Variants in NRG1 observed in about 807,000 individuals in gnomAD.
NRG1 encodes the protein pro-neuregulin-1, membrane-bound isoform.
In NRG1, 18 loss-of-function variants were observed where a neutral mutation model predicts 63.8. The ratio of observed to expected loss-of-function variants is 0.28; its 90% CI spans 0.19 to 0.42. The LOEUF (loss-of-function observed/expected upper bound fraction) is 0.42, where lower values mean the gene tolerates loss of function less well. Among genes scored for constraint, NRG1 ranks in the 10% least tolerant of loss-of-function variants. The pLI, the probability that NRG1 is intolerant of heterozygous loss-of-function variation, is 1.00. For missense variants in NRG1, 762 were observed against 814.7 expected (o/e 0.94, Z 0.79); for synonymous variants, 302 against 301.3 (o/e 1.00, Z -0.02).
At chr8:31,972,428 T>C (rs1476356462) in intron 1 of NRG1, among the ~76,000 whole-genome samples, 1 of 152,178 alleles carries the variant, frequency 6.6e-6, no homozygotes, top group Non-Finnish European at 1.5e-5. Flanking sequence ...TGGCACTTGT[T>C]ACTAACTGGA....
intron 1 of NRG1, among the ~76,000 whole-genome samples, chr8:32,072,466 C>A (rs1291019736): frequency 6.6e-6 from 1 of 152,102 alleles, no homozygotes; most frequent in Non-Finnish European, 1.5e-5. Context: ...CACCCTTTGA[C>A]TCTAATTAAA....
At chr8:32,363,014 G>A (rs1485261032) in intron 1 of NRG1, among the ~76,000 whole-genome samples, 2 of 152,166 alleles carry the variant, frequency 1.3e-5, no homozygotes, top group Non-Finnish European at 2.9e-5. Context: ...CATGGGGTGT[G>A]CAATTAACTC....
chr8:32,622,638 A>G (rs1051356127), intron 5 of NRG1, among the ~76,000 whole-genome samples: 4 of 151,982 alleles, frequency 2.6e-5, no homozygotes, highest in Admixed American at 6.6e-5. Context: ...CAAGTGATTC[A>G]CCCATCTCAG....
rs552478830 is a variant in NRG1 at position 31,821,358 on chromosome 8, C to T, written c.37+181927C>T. ...GAAAGGCACACTGTGTAATTGAATG[C>T]TAAGGCCAATTCTTTACCTCTGATG... On this transcript the variant is annotated intron_variant, in intron 1 of 10. Transcript: ENST00000519301. Among the ~76,000 whole-genome samples, 23 of 152,262 alleles carry T rather than the reference C, an allele frequency of 1.5e-4. No homozygotes were observed. The East Asian group carries it at 4.4e-3, about 29-fold the overall frequency.
chr8:31,932,854 A>C (rs776991676), intron 1 of NRG1, among the ~76,000 whole-genome samples: 31 of 152,162 alleles, frequency 2.0e-4, no homozygotes, highest in Non-Finnish European at 3.7e-4. Context: ...GTGTGTGCCC[A>C]CTTGCATATA....
intron 1 of NRG1, among the ~76,000 whole-genome samples, chr8:32,030,839 C>T (rs1818153204): frequency 6.6e-6 from 1 of 152,106 alleles, no homozygotes; most frequent in Admixed American, 6.6e-5. Flanking sequence ...GAGCTTCCCT[C>T]CTTTTAAAAA....
At chr8:32,293,718 C>CTTTTTTTTTTTTTTTT (rs770993591) in intron 1 of NRG1, among the ~76,000 whole-genome samples, 1 of 108,278 alleles carries the variant, frequency 9.2e-6, no homozygotes, top group Non-Finnish European at 1.9e-5. Flanking sequence ...TTTTCTTCTT[C>CTTTTTTTTTTTTTTTT]TTTTTTTTTT....
chr8:32,267,693 G>A (rs1851125167), intron 1 of NRG1, among the ~76,000 whole-genome samples: 1 of 152,044 alleles, frequency 6.6e-6, no homozygotes, highest in African/African-American at 2.4e-5. Context: ...TTTGAGTTCT[G>A]TTTGTTTTTT....
rs187881426 is a variant in NRG1 at position 32,180,147 on chromosome 8, A to G, written c.38-415681A>G. Among the ~76,000 whole-genome samples, 3 of 152,292 alleles carry G rather than the reference A, an allele frequency of 2.0e-5. No individual in the cohort carries two copies. The East Asian group carries it at 5.8e-4, about 29-fold the overall frequency. ...TAATTCCTTCTCAGGTCTTTTTAAT[A>G]TATTGCTTCCAGATATTTTTGGATT... On this transcript the variant is annotated intron_variant, in intron 1 of 10. Coordinates refer to the NRG1 transcript ENST00000519301.
chr8:32,315,725 C>G (rs771280971), intron 1 of NRG1, among the ~76,000 whole-genome samples: 1 of 152,188 alleles, frequency 6.6e-6, no homozygotes, highest in African/African-American at 2.4e-5. Flanking sequence ...TGATGTAACT[C>G]TACGTGATGT....
At chr8:31,739,797 A>AT (rs960055967) in intron 1 of NRG1, among the ~76,000 whole-genome samples, 11 of 151,868 alleles carry the variant, frequency 7.2e-5, no homozygotes, top group African/African-American at 1.4e-4. Context: ...TCTTCTAGCT[A>AT]TTTTTTTTCT....
rs941368779 is a variant in NRG1, at chr8:32,007,338, A to G, written c.37+367907A>G. ...CATATTTTAATTGATCAGGCAAATA[A>G]TCTCAAATCCTCCAACTTTGTTTGA... On this transcript the variant is annotated intron_variant, in intron 1 of 10. Transcript: ENST00000519301. Among the ~76,000 whole-genome samples, 3 of 152,036 alleles carry G rather than the reference A, an allele frequency of 2.0e-5. No individual in the cohort carries two copies. In the South Asian group the frequency reaches 6.2e-4, roughly 31 times the overall value.
intron 1 of NRG1, among the ~76,000 whole-genome samples, chr8:31,732,752 G>A (rs188915368): frequency 6.8e-4 from 104 of 152,050 alleles, no homozygotes; most frequent in Admixed American, 1.6e-3. Context: ...AAAATTAGCC[G>A]GGCATGGTGA....
chr8:32,522,544 T>A (rs1195757559), intron 1 of NRG1, among the ~76,000 whole-genome samples: 1 of 152,196 alleles, frequency 6.6e-6, no homozygotes, highest in Non-Finnish European at 1.5e-5. Context: ...TTCATGCTTT[T>A]GTGTCATAAG....
intron 1 of NRG1, among the ~76,000 whole-genome samples, chr8:31,806,426 A>G (rs1822292215): frequency 1.3e-5 from 2 of 152,156 alleles, no homozygotes; most frequent in African/African-American, 4.8e-5. Context: ...CAAATATATT[A>G]ATGTTCCACA....
At chr8:32,731,018 C>G (rs545742028) in intron 6 of NRG1, among the ~76,000 whole-genome samples, 27 of 152,188 alleles carry the variant, frequency 1.8e-4, no homozygotes, top group Admixed American at 4.6e-4. Context: ...GAAATATGAT[C>G]ATTTTTCATC....
At chr8:32,404,585 C>CTTTTTTTT (rs35437908) in intron 1 of NRG1, among the ~76,000 whole-genome samples, 1 of 116,974 alleles carries the variant, frequency 8.5e-6, no homozygotes. Context: ...TCTTCTTCAT[C>CTTTTTTTT]TTTTTTTTTT....
intron 1 of NRG1, among the ~76,000 whole-genome samples, chr8:32,360,997 T>C (rs2129481268): frequency 6.6e-6 from 1 of 152,312 alleles, no homozygotes. Flanking sequence ...TGATCCCACC[T>C]CTGCCACTGG....
chr8:32,438,716 T>C (rs951401948), intron 1 of NRG1, among the ~76,000 whole-genome samples: 5 of 152,218 alleles, frequency 3.3e-5, no homozygotes, highest in African/African-American at 1.2e-4. Context: ...ACTTTTTTTA[T>C]TTTAGCCATT....
Sources: allele counts gnomAD v4.1 joint callset (sites outside exome capture counted in the v4.1 genomes callset), GRCh38; gene constraint gnomAD v4.1.1; transcripts MANE v1.5; gene names NCBI Gene and HGNC (gene_info 2026-07-23, HGNC 2026-07-21).